Variants in DEK observed in about 807,000 individuals in gnomAD.
DEK encodes the protein DEK proto-oncogene.
In DEK, 28 loss-of-function variants were observed where a neutral mutation model predicts 46.8. That is an observed-to-expected ratio of 0.60 (90% CI 0.44 to 0.82). The LOEUF is 0.82. Among genes scored for constraint, DEK ranks in the 40% least tolerant of loss-of-function variants. The probability of loss-of-function intolerance (pLI) is 0.00; values close to 1 mark genes in which losing one functional copy is unlikely to be tolerated. For synonymous variants in DEK, 160 were observed against 144.5 expected, an observed-to-expected ratio of 1.11 and a Z score of -0.77; for missense variants, 416 against 430.6, an observed-to-expected ratio of 0.97 and a Z score of 0.30.
chr6:18,233,342 T>C (rs1483587852), intron 9 of DEK, among the ~76,000 whole-genome samples: 1 of 152,046 alleles, frequency 6.6e-6, no homozygotes, highest in African/African-American at 2.4e-5. Flanking sequence ...AAAGCCAAAA[T>C]TGACAAATGG....
At chr6:18,230,944 G>A (rs998718049) in intron 9 of DEK, among the ~76,000 whole-genome samples, 12 of 152,058 alleles carry the variant, frequency 7.9e-5, no homozygotes, top group African/African-American at 9.7e-5. Context: ...GCACTACATC[G>A]CACTTATTCC....
intron 9 of DEK, among the ~76,000 whole-genome samples, chr6:18,229,676 G>GA (rs1324431770): frequency 6.6e-6 from 1 of 152,068 alleles, no homozygotes; most frequent in Non-Finnish European, 1.5e-5. Flanking sequence ...GAAGTCTGGA[G>GA]AAAAAAGAGT....
At chr6:18,231,136 T>C (rs920261820) in intron 9 of DEK, among the ~76,000 whole-genome samples, 2 of 152,052 alleles carry the variant, frequency 1.3e-5, no homozygotes, top group African/African-American at 4.8e-5. Context: ...CATAACAAAA[T>C]GAAGGCAGAA....
chr6:18,235,170 A>T (rs1374606747), intron 9 of DEK, among the ~76,000 whole-genome samples: 1 of 152,214 alleles, frequency 6.6e-6, no homozygotes, highest in Non-Finnish European at 1.5e-5. Flanking sequence ...ACTTTTAAAA[A>T]TAAAAATATG....
chr6:18,252,778 AAAAGCAAAGG>A lies in DEK; in HGVS notation c.573+2943_574-2940del, dbSNP rs373347278. Among the ~76,000 whole-genome samples the A allele has an allele frequency of 2.5e-3, 385 of 152,300 alleles. 2 individuals are homozygous for A. The highest frequency in any genetic ancestry group is 8.7e-3 in the African/African-American group (361 of 41,556). On this transcript the variant is annotated intron_variant, in intron 6 of 10. Coordinates refer to ENST00000652689, the MANE Select transcript of DEK (RefSeq NM_003472.4). ...CTGTGTTGACATTTGTACTAATTGC[AAAAGCAAAGG>A]AAAGCAAAGGTGGGTAAAATTGATG...
At chr6:18,242,983 T>C (rs1182870886) in intron 7 of DEK, among the ~76,000 whole-genome samples, 1 of 152,004 alleles carries the variant, frequency 6.6e-6, no homozygotes. Flanking sequence ...AAAGGCATAA[T>C]TTGAGGGTGG....
intron 1 of DEK, 154 bp from the exon 2 acceptor site, chr6:18,264,150 G>C (rs1379473827): frequency 1.7e-6 from 1 of 594,390 alleles, no homozygotes; most frequent in Non-Finnish European, 2.6e-6. Context: ...GTCCCCAGGG[G>C]CGGCTTCCCT....
In DEK at chr6:18,244,540, A is replaced by T. The variant is rs1231005189; in HGVS notation, c.762+5111T>A. On this transcript the variant is annotated intron_variant, in intron 7 of 10. Coordinates refer to ENST00000652689, the MANE Select transcript of DEK (RefSeq NM_003472.4). ...TTATAGGCAGCAGGGCTCTTGAAGG[A>T]GGGTCTCCAAAAAAGACGCCTGTCA... The T allele has an allele frequency of 2.3e-6, 3 of 1,288,998 alleles. No homozygotes were observed. The African/African-American group carries it at 4.6e-5, about 20-fold the overall frequency. The allele number at this position is 1,288,998 out of a possible 1,614,324, so 79.8% of individuals were successfully genotyped here.
At chr6:18,261,519 C>T (rs559579222) in intron 2 of DEK, among the ~76,000 whole-genome samples, 21 of 152,072 alleles carry the variant, frequency 1.4e-4, no homozygotes, top group African/African-American at 4.3e-4. Context: ...TGCGGTTAGC[C>T]GAGGTCAGGC....
intron 9 of DEK, 81 bp downstream of exon 9, chr6:18,236,370 TA>T (rs1317951599): frequency 6.9e-7 from 1 of 1,457,772 alleles, no homozygotes; most frequent in African/African-American, 1.4e-5. Flanking sequence ...TGAATGCACG[TA>T]AGTATTTAGC....
chr6:18,245,947 GCC>G (rs1003032710), intron 7 of DEK, among the ~76,000 whole-genome samples: 6 of 152,218 alleles, frequency 3.9e-5, no homozygotes, highest in African/African-American at 1.4e-4. Context: ...AAAGGGAGTT[GCC>G]CTATACATAC....
intron 2 of DEK, among the ~76,000 whole-genome samples, chr6:18,262,789 A>G (rs1315670363): frequency 6.6e-6 from 1 of 152,258 alleles, no homozygotes; most frequent in Non-Finnish European, 1.5e-5. Context: ...CATGTTGTTA[A>G]GCAATAGTTT....
chr6:18,236,128 T>C (rs1790636437), intron 9 of DEK, among the ~76,000 whole-genome samples: 1 of 152,204 alleles, frequency 6.6e-6, no homozygotes, highest in African/African-American at 2.4e-5. Flanking sequence ...TCTGCTTCTT[T>C]AAACTAACAT....
At chr6:18,264,074 C>T (rs894366750) in intron 1 of DEK, 78 bp from the exon 2 acceptor site, 2 of 1,325,904 alleles carry the variant, frequency 1.5e-6, no homozygotes, top group African/African-American at 1.5e-5. Flanking sequence ...CTGAATGATG[C>T]TACCCTTCCC....
intron 6 of DEK, among the ~76,000 whole-genome samples, chr6:18,254,583 T>G (rs1239223910): frequency 6.6e-6 from 1 of 151,832 alleles, no homozygotes; most frequent in Non-Finnish European, 1.5e-5. Context: ...TAAAAAAAGC[T>G]CTTGGGGTCC....
intron 2 of DEK, among the ~76,000 whole-genome samples, chr6:18,259,394 C>CAAAAAAAAAAAAAAAAAAAAAAA (rs56704006): frequency 4.8e-5 from 2 of 41,482 alleles, no homozygotes; most frequent in African/African-American, 1.4e-4. Context: ...GACTCCGTCT[C>CAAAAAAAAAAAAAAAAAAAAAAA]AAAAAAAAAA....
At chr6:18,255,679 T>C in intron 6 of DEK, 52 bp downstream of exon 6, 1 of 1,559,610 alleles carries the variant, frequency 6.4e-7, no homozygotes, top group Non-Finnish European at 8.6e-7. Flanking sequence ...TTGTTTCATA[T>C]AAAGAGGCTA....
intron 6 of DEK, among the ~76,000 whole-genome samples, chr6:18,254,148 T>C (rs1460757713): frequency 7.2e-5 from 11 of 152,120 alleles, no homozygotes; most frequent in African/African-American, 4.8e-5. Context: ...CTGGCCAACA[T>C]GGCAAAACCC....
At chr6:18,225,968 A>G (rs2151074910) in intron 10 of DEK, 1 of 694,862 alleles carries the variant, frequency 1.4e-6, no homozygotes, top group South Asian at 2.4e-5. Context: ...TCATAATCTG[A>G]GTTCAGGTCT....
Sources: gnomAD v4.1 joint callset for allele counts (sites outside exome capture counted in the v4.1 genomes callset) on GRCh38, gnomAD v4.1.1 for gene constraint, MANE v1.5 for transcripts, NCBI Gene and HGNC (gene_info 2026-07-23, HGNC 2026-07-21) for gene names.